MNDA: variants seen among roughly 807,000 people sequenced by gnomAD.
The protein encoded by MNDA is myeloid cell nuclear differentiation antigen.
MNDA carries 43 observed loss-of-function variants against 37.8 expected under a neutral mutation model. That is an observed-to-expected ratio of 1.14 (90% CI 0.89 to 1.47). The LOEUF (loss-of-function observed/expected upper bound fraction) is 1.47, where lower values mean the gene tolerates loss of function less well. MNDA is among the 40% of genes most tolerant of loss of function. The pLI is 0.00. For missense variants in MNDA, 536 were observed against 476.0 expected (o/e 1.13, Z -1.17); for synonymous variants, 181 against 169.0 (o/e 1.07, Z -0.55).
At position 158,843,979 on chromosome 1, in the gene MNDA, A is replaced by C. The variant is rs1659083220; in HGVS notation, c.427A>C (p.Lys143Gln). Residue 143 changes from lysine to glutamine, a missense_variant, in exon 4 of 7, where the codon AAG (lysine) becomes CAG (glutamine). Lys to Gln is a moderately conservative substitution (Grantham distance 53). Coordinates refer to ENST00000368141, the MANE Select transcript of MNDA (RefSeq NM_002432.3). The stretch of plus-strand genomic sequence containing the variant: ...GAAAAGAAAAACTCCAAACAAAGAA[A>C]AGACTGAAGCCAAAAGGAATAAGGT... ...AQKRKTPNKEKTEAKRNKVSQ... is the reference protein window; with the variant it reads ...AQKRKTPNKEQTEAKRNKVSQ... 4.4e-6 allele frequency: 7 copies of C among 1,596,664 alleles called. No homozygotes were observed. Among genetic ancestry groups the C allele is most frequent in the Non-Finnish European group, 6.0e-6 (7 of 1,174,794 alleles).
intron 1 of MNDA, 43 bp downstream of exon 1, chr1:158,831,600 T>G (rs778907153): frequency 1.3e-5 from 2 of 152,200 alleles, no homozygotes; most frequent in African/African-American, 2.4e-5. Context: ...TCTAGGTATC[T>G]AGTTGGTAAC....
At chr1:158,843,230 A>T (rs761620971) in intron 2 of MNDA, 49 bp from the exon 3 acceptor site, 1 of 1,550,878 alleles carries the variant, frequency 6.4e-7, no homozygotes, top group South Asian at 1.3e-5. Flanking sequence ...GTCTTAGATA[A>T]GCTATTCCAC....
At chr1:158,847,165 C>G (rs868676509) in intron 5 of MNDA, among the ~76,000 whole-genome samples, 1 of 152,052 alleles carries the variant, frequency 6.6e-6, no homozygotes, top group African/African-American at 2.4e-5. Flanking sequence ...AAGCGGGAGG[C>G]TGGGAGGGAG....
chr1:158,844,086 CTCA>C lies in MNDA; in HGVS notation c.541_543del (p.Ser181del), dbSNP rs1558057414. 17 of 1,605,252 alleles carry C rather than the reference CTCA, an allele frequency of 1.1e-5. No homozygotes were observed. Among genetic ancestry groups the C allele is most frequent in the Middle Eastern group, 1.7e-4 (1 of 6,012 alleles). On this transcript the variant is annotated inframe_deletion, in exon 4 of 7. Coordinates refer to ENST00000368141, the MANE Select transcript of MNDA (RefSeq NM_002432.3). ...TGGATCATCCCCCACTACCCCAGACCTCATCATCAACTCCATCCAACACTTCGT... is the reference window on the plus strand; with the variant it reads ...TGGATCATCCCCCACTACCCCAGACCTCATCAACTCCATCCAACACTTCGT...
At chr1:158,848,701 T>C (rs1225097061) in intron 6 of MNDA, among the ~76,000 whole-genome samples, 1 of 152,172 alleles carries the variant, frequency 6.6e-6, no homozygotes, top group Non-Finnish European at 1.5e-5. Flanking sequence ...TGTCTATCTA[T>C]GGAGTTGCAT....
intron 1 of MNDA, among the ~76,000 whole-genome samples, chr1:158,835,153 C>A (rs1658881834): frequency 6.6e-6 from 1 of 152,174 alleles, no homozygotes. Flanking sequence ...GTAAAAAACA[C>A]TTCTGGGATT....
At position 158,847,739 on chromosome 1, in the gene MNDA, C is replaced by G. The variant is rs369468603; in HGVS notation, c.999C>G (p.His333Gln). ...GLFMLQKKSV[H>Q]KKNTIYEIQD... Reference sequence around the variant, plus strand: ...ATCTTCTTTTGCAGAAAAGCGTACACAAGAAGAACACAATTTATGAAATAC... The same window carrying G: ...ATCTTCTTTTGCAGAAAAGCGTACAGAAGAAGAACACAATTTATGAAATAC... Residue 333 changes from histidine (H) to glutamine (Q), a missense_variant, in exon 6 of 7, where the codon CAC becomes CAG. Coordinates refer to ENST00000368141, the MANE Select transcript of MNDA (RefSeq NM_002432.3). The G allele has an allele frequency of 6.2e-7, 1 of 1,612,094 alleles. No individual in the cohort carries two copies. Among genetic ancestry groups the G allele is most frequent in the South Asian group, 1.1e-5 (1 of 90,826 alleles).
At chr1:158,842,019 T>C in intron 1 of MNDA, 115 bp from the exon 2 acceptor site, 3 of 800,722 alleles carry the variant, frequency 3.7e-6, no homozygotes, top group Non-Finnish European at 6.0e-6. Flanking sequence ...CCCTTTTTCT[T>C]ATACGCATCC....
intron 4 of MNDA, 128 bp downstream of exon 4, chr1:158,844,250 T>G: frequency 1.0e-6 from 1 of 999,826 alleles, no homozygotes; most frequent in Non-Finnish European, 1.4e-6. Context: ...CTGTTTTCCA[T>G]ATTATGATAA....
At chr1:158,834,231 A>ATTTTTT (rs58502272) in intron 1 of MNDA, among the ~76,000 whole-genome samples, 1 of 130,292 alleles carries the variant, frequency 7.7e-6, no homozygotes, top group African/African-American at 3.0e-5. Context: ...TCCTTTATCA[A>ATTTTTT]TTTTTTTTTT....
chr1:158,840,652 A>G (rs1352266298), intron 1 of MNDA, among the ~76,000 whole-genome samples: 1 of 152,202 alleles, frequency 6.6e-6, no homozygotes, highest in East Asian at 1.9e-4. Context: ...CTTAGGTTTT[A>G]AAATTGCAGA....
intron 4 of MNDA, among the ~76,000 whole-genome samples, chr1:158,845,365 G>A (rs1659111647): frequency 1.3e-5 from 2 of 152,076 alleles, no homozygotes; most frequent in African/African-American, 4.8e-5. Flanking sequence ...AGCCTCCCGA[G>A]TAGCTGGGAC....
chr1:158,841,984 A>C, intron 1 of MNDA, 150 bp from the exon 2 acceptor site: 1 of 627,472 alleles, frequency 1.6e-6, no homozygotes, highest in South Asian at 2.1e-5. Flanking sequence ...TCCATTGTTC[A>C]CAGTGACATA....
chr1:158,836,070 G>A (rs1284072861), intron 1 of MNDA, among the ~76,000 whole-genome samples: 1 of 151,592 alleles, frequency 6.6e-6, no homozygotes, highest in Non-Finnish European at 1.5e-5. Context: ...GCATTCCAGG[G>A]ATAAACCTTA....
At chr1:158,844,661 T>C (rs1389590787) in intron 4 of MNDA, among the ~76,000 whole-genome samples, 1 of 151,862 alleles carries the variant, frequency 6.6e-6, no homozygotes, top group African/African-American at 2.4e-5. Flanking sequence ...GCCAAGTCTT[T>C]CCACTTGTAA....
chr1:158,843,092 G>A (rs73015600), intron 2 of MNDA, among the ~76,000 whole-genome samples, 187 bp from the exon 3 acceptor site: 2,817 of 152,292 alleles, frequency 0.018, 87 homozygotes, highest in African/African-American at 0.062. Context: ...GAATGAGACA[G>A]TGCCTATGCC....
chr1:158,843,163 C>T, intron 2 of MNDA, 116 bp from the exon 3 acceptor site: 1 of 1,340,170 alleles, frequency 7.5e-7, no homozygotes. Flanking sequence ...AGGTAACAGG[C>T]AAATCCGAAC....
rs529330735 is a variant in MNDA, at chr1:158,842,262, A to G, written c.109A>G (p.Thr37Ala). The change falls in exon 2 of 7, where the codon ACA becomes GCA. Residue 37 changes from threonine (T) to alanine (A), a missense_variant. Thr to Ala is a moderately conservative substitution (Grantham distance 58, BLOSUM62 0). Transcript: ENST00000368141. ...ACTGGCCTATGATTTAGGACTAACT[A>G]CAAAAATGCAAGAGGAATACAACAG... is the stretch of plus-strand genomic sequence containing the variant. ...SLLAYDLGLT[T>A]KMQEEYNRIK... 33 of 1,614,186 alleles carry G rather than the reference A, an allele frequency of 2.0e-5. No homozygotes were observed. The highest frequency in any genetic ancestry group is 1.3e-4 in the Admixed American group (8 of 60,026).
intron 1 of MNDA, among the ~76,000 whole-genome samples, chr1:158,841,445 T>A (rs1177616261): frequency 6.6e-6 from 1 of 152,162 alleles, no homozygotes; most frequent in African/African-American, 2.4e-5. Context: ...AGGTAAATAA[T>A]TGACTGTAAA....
Sources: gnomAD v4.1 joint callset for allele counts (sites outside exome capture counted in the v4.1 genomes callset) on GRCh38, gnomAD v4.1.1 for gene constraint, MANE v1.5 for transcripts, NCBI Gene and HGNC (gene_info 2026-07-23, HGNC 2026-07-21) for gene names.